Variants in MTUS2 observed in about 807,000 individuals in gnomAD.
MTUS2 encodes microtubule associated scaffold protein 2.
In MTUS2, 40 loss-of-function variants were observed where a neutral mutation model predicts 114.1. The observed-to-expected ratio is 0.35, with a 90% CI of 0.27 to 0.46. The LOEUF is 0.46. MTUS2 is among the 20% of genes least tolerant of loss of function. The probability of loss-of-function intolerance (pLI) is 1.00; values close to 1 mark genes in which losing one functional copy is unlikely to be tolerated. For missense variants in MTUS2, 1,679 were observed against 1,705.4 expected, an observed-to-expected ratio of 0.98 and a Z score of 0.27; for synonymous variants, 688 against 672.0, an observed-to-expected ratio of 1.02 and a Z score of -0.37.
At chr13:29,109,149 T>C (rs1890785019) in intron 5 of MTUS2, among the ~76,000 whole-genome samples, 1 of 152,214 alleles carries the variant, frequency 6.6e-6, no homozygotes, top group East Asian at 1.9e-4. Flanking sequence ...AGACAACCGT[T>C]CTTCTTCTAA....
At chr13:29,136,326 A>G (rs1481845020) in intron 5 of MTUS2, among the ~76,000 whole-genome samples, 3 of 152,190 alleles carry the variant, frequency 2.0e-5, no homozygotes, top group Admixed American at 1.3e-4. Flanking sequence ...GTCCCTGTTT[A>G]CTGGCATATA....
At chr13:29,300,337 T>C (rs189740290) in intron 6 of MTUS2, among the ~76,000 whole-genome samples, 115 of 152,302 alleles carry the variant, frequency 7.6e-4, no homozygotes, top group African/African-American at 2.6e-3. Context: ...TATACACATA[T>C]TGTATTTAAA....
intron 5 of MTUS2, among the ~76,000 whole-genome samples, chr13:29,281,448 T>TGTGC (rs386378647): frequency 5.3e-5 from 8 of 151,470 alleles, no homozygotes; most frequent in African/African-American, 1.7e-4. Flanking sequence ...TGTGTGTGTG[T>TGTGC]GCATGCAGGC....
chr13:29,430,527 C>T lies in MTUS2; in HGVS notation c.3118-9456C>T, dbSNP rs1004521779. Among the ~76,000 whole-genome samples the T allele has an allele frequency of 8.5e-5, 13 of 152,280 alleles. No individual in the cohort carries two copies. The East Asian group carries it at 2.5e-3, about 29-fold the overall frequency. ...TTTTTTACTGATGAAAACTTTAAAA[C>T]TTACACTGCTTTTACCAGCTTTTTC... is the stretch of plus-strand genomic sequence containing the variant. On this transcript the variant is annotated intron_variant, in intron 8 of 15. Transcript: ENST00000612955.
chr13:29,398,506 C>T (rs183799013), intron 8 of MTUS2, among the ~76,000 whole-genome samples: 5 of 147,606 alleles, frequency 3.4e-5, no homozygotes, highest in Middle Eastern at 3.5e-3. Context: ...AAAAAAAGAG[C>T]GAAAAATTAA....
intron 2 of MTUS2, among the ~76,000 whole-genome samples, chr13:29,020,134 A>T (rs1480981735): frequency 6.6e-6 from 1 of 152,202 alleles, no homozygotes; most frequent in African/African-American, 2.4e-5. Flanking sequence ...ATAAGCCTAG[A>T]TCTTTACATT....
intron 5 of MTUS2, among the ~76,000 whole-genome samples, chr13:29,168,327 C>A (rs1026226830): frequency 6.6e-6 from 1 of 152,058 alleles, no homozygotes; most frequent in African/African-American, 2.4e-5. Context: ...TGTTCCATAG[C>A]CCCTAACTAT....
At chr13:29,142,821 G>T (rs921697432) in intron 5 of MTUS2, among the ~76,000 whole-genome samples, 5 of 152,208 alleles carry the variant, frequency 3.3e-5, no homozygotes, top group Admixed American at 3.3e-4. Flanking sequence ...TTTTGAAAAA[G>T]GGTAGGGCAG....
At chr13:29,374,806 A>C (rs1459624541) in intron 8 of MTUS2, among the ~76,000 whole-genome samples, 1 of 152,104 alleles carries the variant, frequency 6.6e-6, no homozygotes, top group Non-Finnish European at 1.5e-5. Flanking sequence ...CTGACCTGTA[A>C]TCCCAGCTAC....
At chr13:28,855,387 G>C (rs1328900785) in intron 2 of MTUS2, among the ~76,000 whole-genome samples, 1 of 152,028 alleles carries the variant, frequency 6.6e-6, no homozygotes, top group African/African-American at 2.4e-5. Flanking sequence ...AGCCCAGCAT[G>C]CATTAGCTAT....
chr13:28,910,641 C>T (rs563980978), intron 2 of MTUS2, among the ~76,000 whole-genome samples: 175 of 151,772 alleles, frequency 1.2e-3, no homozygotes, highest in African/African-American at 4.1e-3. Context: ...GTTTGGTTTT[C>T]TGTTCCTGTG....
chr13:28,831,422 A>G (rs938843344), intron 1 of MTUS2, among the ~76,000 whole-genome samples: 15 of 152,248 alleles, frequency 9.9e-5, no homozygotes, highest in African/African-American at 3.6e-4. Flanking sequence ...ATATGAAGAC[A>G]CAAATACTGT....
chr13:29,224,743 T>G (rs1896039162), intron 5 of MTUS2, among the ~76,000 whole-genome samples: 1 of 152,108 alleles, frequency 6.6e-6, no homozygotes, highest in African/African-American at 2.4e-5. Context: ...TTTTGTAGCT[T>G]TTGTTCACAG....
intron 2 of MTUS2, among the ~76,000 whole-genome samples, chr13:28,847,897 A>G (rs1384121817): frequency 6.6e-6 from 1 of 152,178 alleles, no homozygotes; most frequent in Non-Finnish European, 1.5e-5. Context: ...AGCGGGAAGG[A>G]GGGGAGTAGC....
chr13:29,261,023 T>C (rs947276985), intron 5 of MTUS2, among the ~76,000 whole-genome samples: 9 of 152,028 alleles, frequency 5.9e-5, no homozygotes, highest in African/African-American at 1.9e-4. Flanking sequence ...GTCCTCCAGC[T>C]GTGTCTGGCA....
intron 5 of MTUS2, among the ~76,000 whole-genome samples, chr13:29,275,248 T>C (rs1419497688): frequency 6.6e-6 from 1 of 152,204 alleles, no homozygotes; most frequent in Non-Finnish European, 1.5e-5. Flanking sequence ...TTTTTGTGGA[T>C]ACATAGTAAG....
intron 5 of MTUS2, among the ~76,000 whole-genome samples, chr13:29,123,083 C>A (rs573072895): frequency 6.6e-6 from 1 of 152,048 alleles, no homozygotes; most frequent in Non-Finnish European, 1.5e-5. Flanking sequence ...TTATCCCTGA[C>A]GTTTCTATGC....
At chr13:29,263,308 G>A (rs982992618) in intron 5 of MTUS2, among the ~76,000 whole-genome samples, 1 of 152,118 alleles carries the variant, frequency 6.6e-6, no homozygotes, top group African/African-American at 2.4e-5. Context: ...AGGGCATTAG[G>A]TATAGACAAG....
chr13:29,019,859 C>G (rs1886220812), intron 2 of MTUS2, among the ~76,000 whole-genome samples: 1 of 152,208 alleles, frequency 6.6e-6, no homozygotes, highest in Admixed American at 6.5e-5. Context: ...TAGAGGAAAG[C>G]TGTTTGGATG....
Sources: allele counts gnomAD v4.1 joint callset (sites outside exome capture counted in the v4.1 genomes callset), GRCh38; gene constraint gnomAD v4.1.1; transcripts MANE v1.5; gene names NCBI Gene and HGNC (gene_info 2026-07-23, HGNC 2026-07-21).